Variants in SLMAP observed in about 807,000 individuals in gnomAD.
The protein encoded by SLMAP is sarcolemma associated protein.
SLMAP carries 44 observed loss-of-function variants against 128.8 expected under a neutral mutation model. The ratio of observed to expected loss-of-function variants is 0.34; its 90% CI spans 0.27 to 0.44. The LOEUF is 0.44. SLMAP is among the 20% of genes least tolerant of loss of function. The probability of loss-of-function intolerance (pLI) is 1.00; values close to 1 mark genes in which losing one functional copy is unlikely to be tolerated. For synonymous variants in SLMAP, 327 were observed against 348.8 expected, an observed-to-expected ratio of 0.94 and a Z score of 0.70; for missense variants, 787 against 985.3, an observed-to-expected ratio of 0.80 and a Z score of 2.69.
intron 3 of SLMAP, among the ~76,000 whole-genome samples, chr3:57,840,688 A>C (rs1361860571): frequency 6.6e-6 from 1 of 152,228 alleles, no homozygotes; most frequent in Non-Finnish European, 1.5e-5. Flanking sequence ...GTGGAGGAAG[A>C]AACAACTATC....
intron 2 of SLMAP, among the ~76,000 whole-genome samples, chr3:57,826,395 C>A (rs1486324323): frequency 1.3e-5 from 2 of 152,104 alleles, no homozygotes; most frequent in East Asian, 3.9e-4. Context: ...GACCTTGATA[C>A]ATTTCTGTTG....
At chr3:57,901,841 G>C (rs1397906391) in intron 17 of SLMAP, 1 of 152,176 alleles carries the variant, frequency 6.6e-6, no homozygotes, top group Admixed American at 6.6e-5. Context: ...AACCTAGCTT[G>C]GCCATCATGG....
chr3:57,845,941 A>C (rs369693298), intron 4 of SLMAP, among the ~76,000 whole-genome samples: 12 of 151,996 alleles, frequency 7.9e-5, no homozygotes, highest in Non-Finnish European at 1.8e-4. Flanking sequence ...TCCCAGGTTC[A>C]AGTGATTCTC....
At chr3:57,833,541 TCTCGAGTAGCTGGGA>T (rs995995083) in intron 3 of SLMAP, among the ~76,000 whole-genome samples, 8 of 151,820 alleles carry the variant, frequency 5.3e-5, no homozygotes, top group African/African-American at 1.5e-4. Context: ...TGCCTCAGCC[TCTCGAGTAGCTGGGA>T]CTACAGGTGC....
chr3:57,845,851 T>C (rs2094216015), intron 4 of SLMAP, among the ~76,000 whole-genome samples: 1 of 152,070 alleles, frequency 6.6e-6, no homozygotes, highest in Admixed American at 6.6e-5. Flanking sequence ...CCCCACCTTT[T>C]TTTTTTTGGA....
At chr3:57,884,498 A>G (rs1271265898) in intron 14 of SLMAP, among the ~76,000 whole-genome samples, 1 of 152,244 alleles carries the variant, frequency 6.6e-6, no homozygotes, top group Non-Finnish European at 1.5e-5. Flanking sequence ...AATCAGACAA[A>G]GAGAAACACA....
intron 2 of SLMAP, among the ~76,000 whole-genome samples, chr3:57,763,587 T>C (rs1222923325): frequency 1.3e-5 from 2 of 152,072 alleles, no homozygotes; most frequent in Non-Finnish European, 2.9e-5. Context: ...GTGCATCTTT[T>C]TGAGCACCTG....
intron 3 of SLMAP, among the ~76,000 whole-genome samples, chr3:57,831,746 A>T (rs771516075): frequency 1.9e-4 from 29 of 152,172 alleles, no homozygotes; most frequent in Non-Finnish European, 4.4e-5. Flanking sequence ...TCTTCATCAC[A>T]GTCAGGGACC....
intron 18 of SLMAP, 78 bp downstream of exon 18, chr3:57,908,084 T>G: frequency 2.2e-6 from 3 of 1,359,798 alleles, no homozygotes; most frequent in Non-Finnish European, 3.1e-6. Context: ...AAACTTGGAG[T>G]CCGGAGGCAT....
At chr3:57,760,642 G>A (rs1226713584) in intron 2 of SLMAP, among the ~76,000 whole-genome samples, 3 of 151,934 alleles carry the variant, frequency 2.0e-5, no homozygotes, top group African/African-American at 7.3e-5. Context: ...GGTTGCTTGA[G>A]CCCAGGAGTT....
In SLMAP at chr3:57,836,717, G is replaced by A. The variant is rs1470393955; in HGVS notation, c.347-4582G>A. 5.3e-5 allele frequency among the ~76,000 whole-genome samples: 8 copies of A among 152,292 alleles called. No homozygotes were observed. The Middle Eastern group carries it at 0.01, about 194-fold the overall frequency. ...TCAATGGTCAGGCATGTACACATAA[G>A]CTGCTCTATACTGATAAAATATTAT... is the stretch of plus-strand genomic sequence containing the variant. On this transcript the variant is annotated intron_variant, in intron 3 of 24. Transcript: ENST00000671191.
intron 2 of SLMAP, among the ~76,000 whole-genome samples, chr3:57,796,334 C>T (rs1056053211): frequency 6.6e-6 from 1 of 152,148 alleles, no homozygotes; most frequent in Admixed American, 6.5e-5. Flanking sequence ...TTCCAGGAGA[C>T]TTTGCATGAT....
chr3:57,835,930 A>G (rs1480588389), intron 3 of SLMAP, among the ~76,000 whole-genome samples: 2 of 152,198 alleles, frequency 1.3e-5, no homozygotes, highest in Non-Finnish European at 1.5e-5. Context: ...ACATTTGTAT[A>G]CATGTGAATG....
At chr3:57,769,473 A>G (rs921566305) in intron 2 of SLMAP, among the ~76,000 whole-genome samples, 3 of 151,754 alleles carry the variant, frequency 2.0e-5, no homozygotes, top group Non-Finnish European at 4.4e-5. Flanking sequence ...GATTACAGGC[A>G]TGAGCCACCG....
At chr3:57,841,932 CA>C (rs2093956396) in intron 4 of SLMAP, among the ~76,000 whole-genome samples, 11 of 152,068 alleles carry the variant, frequency 7.2e-5, no homozygotes, top group Admixed American at 7.2e-4. Context: ...TTTTTAAAAG[CA>C]TATGTAAGTA....
chr3:57,842,678 A>G (rs1181889806), intron 4 of SLMAP, among the ~76,000 whole-genome samples: 1 of 152,128 alleles, frequency 6.6e-6, no homozygotes, highest in Non-Finnish European at 1.5e-5. Context: ...AGTCAGTTGG[A>G]ATGTATTGTG....
chr3:57,922,866 A>C, intron 22 of SLMAP, 23 bp from the exon 23 acceptor site: 1 of 1,600,298 alleles, frequency 6.2e-7, no homozygotes, highest in Non-Finnish European at 8.5e-7. Flanking sequence ...GTATCTGCAC[A>C]CTTTTTTTTT....
chr3:57,858,001 CT>C, intron 7 of SLMAP, 86 bp from the exon 8 acceptor site: 1 of 984,966 alleles, frequency 1.0e-6, no homozygotes, highest in East Asian at 2.4e-5. Flanking sequence ...GCTTTTATAT[CT>C]TTTGTTGTCA....
intron 21 of SLMAP, among the ~76,000 whole-genome samples, chr3:57,914,720 T>C (rs2096774566): frequency 6.6e-6 from 1 of 151,844 alleles, no homozygotes; most frequent in Non-Finnish European, 1.5e-5. Context: ...GTAACTTGGA[T>C]TACAGACATG....
Sources: allele counts gnomAD v4.1 joint callset (sites outside exome capture counted in the v4.1 genomes callset), GRCh38; gene constraint gnomAD v4.1.1; transcripts MANE v1.5; gene names NCBI Gene and HGNC (gene_info 2026-07-23, HGNC 2026-07-21).